The following NAE1 variants were observed in gnomAD, a reference collection of about 807,000 sequenced individuals.
NAE1 encodes NEDD8 activating enzyme E1 subunit 1.
Under a neutral mutation model 88.0 loss-of-function variants are expected in NAE1, and 59 were observed. The ratio of observed to expected loss-of-function variants is 0.67; its 90% CI spans 0.54 to 0.83. NAE1 has a LOEUF of 0.83. NAE1 is among the 40% of genes least tolerant of loss of function. NAE1 has a pLI of 0.00. For synonymous variants in NAE1, 186 were observed against 208.9 expected, an observed-to-expected ratio of 0.89 and a Z score of 0.95; for missense variants, 554 against 632.8, an observed-to-expected ratio of 0.88 and a Z score of 1.34.
At chr16:66,830,142 C>G (rs1960635178) in intron 1 of NAE1, among the ~76,000 whole-genome samples, 1 of 152,184 alleles carries the variant, frequency 6.6e-6, no homozygotes, top group Non-Finnish European at 1.5e-5. Context: ...CCGCTTCGGC[C>G]TCCCAAAGTG....
In NAE1 at chr16:66,830,877, A is replaced by G. The variant is rs530988131; in HGVS notation, c.23T>C (p.Leu8Pro). The part of the protein sequence containing the change: MAQLGKL[L>P]KEQKYDRQLR... Reference sequence around the variant, plus strand: ...CTGCCGGTCGTACTTCTGCTCCTTGAGCAGCTTTCCCAGCTGCGCCATGGC... The same window carrying G: ...CTGCCGGTCGTACTTCTGCTCCTTGGGCAGCTTTCCCAGCTGCGCCATGGC... Residue 8 changes from leucine (L) to proline (P), a missense_variant, in exon 1 of 20, where the codon CTC becomes CCC. Physicochemically the swap from Leu to Pro is moderately conservative, Grantham distance 98. Transcript: ENST00000290810. The G allele has an allele frequency of 7.8e-6, 12 of 1,535,132 alleles. No homozygotes were observed. The highest frequency in any genetic ancestry group is 1.0e-5 in the Non-Finnish European group (12 of 1,150,346).
intron 6 of NAE1, among the ~76,000 whole-genome samples, chr16:66,822,327 T>C (rs1394175850): frequency 6.6e-6 from 1 of 152,166 alleles, no homozygotes; most frequent in Admixed American, 6.5e-5. Flanking sequence ...TCCCAGGACT[T>C]TGGGTGGCTG....
intron 13 of NAE1, among the ~76,000 whole-genome samples, chr16:66,811,766 T>C (rs2145320543): frequency 6.6e-6 from 1 of 152,356 alleles, no homozygotes; most frequent in East Asian, 1.9e-4. Context: ...TCAGGCTGAC[T>C]ACCTCCCATG....
chr16:66,830,169 G>C (rs1464941225), intron 1 of NAE1, among the ~76,000 whole-genome samples: 1 of 152,172 alleles, frequency 6.6e-6, no homozygotes, highest in Non-Finnish European at 1.5e-5. Flanking sequence ...TTACAGGCGT[G>C]AGCCACCGTG....
At chr16:66,812,284 T>A (rs1010388575) in intron 13 of NAE1, among the ~76,000 whole-genome samples, 1 of 152,128 alleles carries the variant, frequency 6.6e-6, no homozygotes, top group Non-Finnish European at 1.5e-5. Flanking sequence ...AGTTTCTTCA[T>A]GTGTAAAATG....
At chr16:66,825,146 T>TA (rs369804384) in intron 3 of NAE1, among the ~76,000 whole-genome samples, 11 of 152,306 alleles carry the variant, frequency 7.2e-5, no homozygotes, top group Middle Eastern at 3.4e-3. Flanking sequence ...GTTCCTTGGC[T>TA]AAAAACGTTT....
intron 17 of NAE1, among the ~76,000 whole-genome samples, chr16:66,807,291 C>A (rs984762702): frequency 2.6e-5 from 4 of 152,130 alleles, no homozygotes; most frequent in African/African-American, 9.7e-5. Flanking sequence ...ACAAATAAAG[C>A]AATACATATT....
chr16:66,814,610 T>A (rs77573411), intron 11 of NAE1, among the ~76,000 whole-genome samples: 309 of 138,966 alleles, frequency 2.2e-3, no homozygotes, highest in Middle Eastern at 0.011. Flanking sequence ...AAAAAAAAAA[T>A]ACACACACAC....
intron 7 of NAE1, among the ~76,000 whole-genome samples, chr16:66,820,993 C>T (rs1015717166): frequency 2.0e-5 from 3 of 152,040 alleles, no homozygotes; most frequent in Non-Finnish European, 2.9e-5. Context: ...CAGTTGAACC[C>T]GGGAGGTGGA....
Position 66,823,615 on chromosome 16 carries a change from A to G in NAE1, c.250-15T>C. 3 of 1,583,166 alleles carry G rather than the reference A, an allele frequency of 1.9e-6. No homozygotes were observed. Among genetic ancestry groups the G allele is most frequent in the South Asian group, 1.2e-5 (1 of 84,994 alleles). ...TCAGCTCGGTTCTTTTTAAAAACAA[A>G]GCATTTAACTTGAATTAGAAAAAAC... is the stretch of plus-strand genomic sequence containing the variant. On this transcript the variant is annotated splice_polypyrimidine_tract_variant and intron_variant, in intron 4 of 19. Transcript: ENST00000290810.
intron 17 of NAE1, among the ~76,000 whole-genome samples, chr16:66,807,398 G>C (rs1221274391): frequency 6.6e-6 from 1 of 152,052 alleles, no homozygotes; most frequent in Non-Finnish European, 1.5e-5. Flanking sequence ...CCTGCACTTT[G>C]GGAGGCCAAC....
At chr16:66,812,778 C>T (rs1205772400) in intron 13 of NAE1, among the ~76,000 whole-genome samples, 1 of 151,170 alleles carries the variant, frequency 6.6e-6, no homozygotes, top group East Asian at 1.9e-4. Flanking sequence ...CTCGGCCTCC[C>T]GAAGTGGTGG....
chr16:66,814,859 C>A (rs1959978774), intron 11 of NAE1, among the ~76,000 whole-genome samples: 1 of 152,148 alleles, frequency 6.6e-6, no homozygotes, highest in Admixed American at 6.5e-5. Context: ...AAACTCAAAT[C>A]CTTCCTACCA....
At position 66,806,032 on chromosome 16, in the gene NAE1, A is replaced by C; in HGVS notation, c.1331-6T>G. 1 of 1,597,070 alleles carries C rather than the reference A, an allele frequency of 6.3e-7. No individual in the cohort carries two copies. The highest frequency in any genetic ancestry group is 8.5e-7 in the Non-Finnish European group (1 of 1,175,176). On this transcript the variant is annotated splice_polypyrimidine_tract_variant and splice_region_variant and intron_variant, in intron 17 of 19. Transcript: ENST00000290810. Reference sequence around the variant, plus strand: ...AACTTGATAGTTAGATACTCCTAAAAATAAAAGTTAGTTTTCATTAAAATA... The same window carrying C: ...AACTTGATAGTTAGATACTCCTAAACATAAAAGTTAGTTTTCATTAAAATA...
At chr16:66,816,021 G>A (rs1567492182) in intron 11 of NAE1, among the ~76,000 whole-genome samples, 2 of 152,160 alleles carry the variant, frequency 1.3e-5, no homozygotes, top group African/African-American at 4.8e-5. Flanking sequence ...TAAAAAGTTG[G>A]TAATAATATC....
Position 66,817,483 on chromosome 16 carries a change from T to C in NAE1, c.626A>G (p.His209Arg). ...YDLDHMEKKD[H>R]SHTPWIVIIA... ...GATCACAATCCATGGAGTATGACTG[T>C]GGTCCTAAAAATGAGAGACAAATAA... Residue 209 changes from histidine (H) to arginine (R), a missense_variant, in exon 9 of 20, where the codon CAC becomes CGC. Physicochemically the swap from His to Arg is conservative, Grantham distance 29. Coordinates refer to ENST00000290810, the MANE Select transcript of NAE1 (RefSeq NM_003905.4). 1 of 1,566,268 alleles carries C rather than the reference T, an allele frequency of 6.4e-7. No individual in the cohort carries two copies. The highest frequency in any genetic ancestry group is 8.6e-7 in the Non-Finnish European group (1 of 1,158,504).
intron 3 of NAE1, 21 bp downstream of exon 3, chr16:66,826,502 T>C (rs1203979448): frequency 1.2e-6 from 2 of 1,612,862 alleles, no homozygotes; most frequent in East Asian, 4.5e-5. Context: ...CGTGAATATA[T>C]TTGAAGAGAA....
At chr16:66,813,754 T>C in intron 12 of NAE1, 33 bp downstream of exon 12, 1 of 1,612,576 alleles carries the variant, frequency 6.2e-7, no homozygotes, top group Non-Finnish European at 8.5e-7. Context: ...CCCAAAGTTT[T>C]AGCAGCAATG....
rs1959744280 is a variant in NAE1 at position 66,810,369 on chromosome 16, C to T, written c.1150+5G>A. The T allele has an allele frequency of 6.3e-7, 1 of 1,588,748 alleles. No homozygotes were observed. Among genetic ancestry groups the T allele is most frequent in the Non-Finnish European group, 8.6e-7 (1 of 1,158,060 alleles). ...AAATAAGGAAATTAATTCAAGGGGA[C>T]TTACAGAGTAATTTTAATTCTTTCT... On this transcript the variant is annotated splice_donor_5th_base_variant and intron_variant, in intron 15 of 19. Transcript: ENST00000290810.
Sources: allele counts gnomAD v4.1 joint callset (sites outside exome capture counted in the v4.1 genomes callset), GRCh38; gene constraint gnomAD v4.1.1; transcripts MANE v1.5; gene names NCBI Gene and HGNC (gene_info 2026-07-23, HGNC 2026-07-21).